The following TMEM45A variants were observed in gnomAD, a reference collection of about 807,000 sequenced individuals.
The protein encoded by TMEM45A is transmembrane protein 45A.
Under a neutral mutation model 32.0 loss-of-function variants are expected in TMEM45A, and 25 were observed. That is an observed-to-expected ratio of 0.78 (90% confidence interval 0.57 to 1.09). The LOEUF (loss-of-function observed/expected upper bound fraction) is 1.09, where lower values mean the gene tolerates loss of function less well. Among genes scored for constraint, TMEM45A ranks in the 50% least tolerant of loss-of-function variants. The probability of loss-of-function intolerance (pLI) is 0.00; values close to 1 mark genes in which losing one functional copy is unlikely to be tolerated. For synonymous variants in TMEM45A, 122 were observed against 114.8 expected (o/e 1.06, Z -0.40); for missense variants, 302 against 325.0 (o/e 0.93, Z 0.54).
At chr3:100,569,579 C>T (rs1706516907) in intron 5 of TMEM45A, among the ~76,000 whole-genome samples, 1 of 152,126 alleles carries the variant, frequency 6.6e-6, no homozygotes, top group African/African-American at 2.4e-5. Flanking sequence ...ATTACTTAAC[C>T]ACATTAAGTA....
chr3:100,555,559 C>T (rs1706203192), intron 2 of TMEM45A, among the ~76,000 whole-genome samples, 158 bp downstream of exon 2: 1 of 152,244 alleles, frequency 6.6e-6, no homozygotes, highest in South Asian at 2.1e-4. Flanking sequence ...TGAAATTAAT[C>T]AAGTTATTAT....
intron 4 of TMEM45A, among the ~76,000 whole-genome samples, chr3:100,568,040 C>T (rs1401714514): frequency 1.3e-5 from 2 of 152,190 alleles, no homozygotes; most frequent in Admixed American, 1.3e-4. Context: ...CCACCTCGGC[C>T]TCCCAAAGTG....
chr3:100,537,620 G>C (rs1705767378), intron 1 of TMEM45A, among the ~76,000 whole-genome samples: 1 of 152,214 alleles, frequency 6.6e-6, no homozygotes, highest in African/African-American at 2.4e-5. Flanking sequence ...ACAGAAAGGA[G>C]AGAGAAGAGC....
At chr3:100,523,782 TCTC>T (rs1436290973) in intron 1 of TMEM45A, among the ~76,000 whole-genome samples, 1 of 134,504 alleles carries the variant, frequency 7.4e-6, no homozygotes, top group Non-Finnish European at 1.5e-5. Flanking sequence ...TTCTCTTCCT[TCTC>T]CTCCTTCTTC....
At chr3:100,516,539 G>C (rs903380236) in intron 1 of TMEM45A, among the ~76,000 whole-genome samples, 3 of 152,068 alleles carry the variant, frequency 2.0e-5, no homozygotes, top group Non-Finnish European at 2.9e-5. Flanking sequence ...TACCTCCATC[G>C]CAGTCTTATT....
intron 1 of TMEM45A, among the ~76,000 whole-genome samples, chr3:100,530,137 A>G (rs1394107772): frequency 1.3e-5 from 2 of 152,190 alleles, no homozygotes; most frequent in Non-Finnish European, 2.9e-5. Flanking sequence ...ACTTTGTTTT[A>G]TCTATTCTTC....
rs1484522321 is a variant in TMEM45A at position 100,577,270 on chromosome 3, G to C, written c.*252G>C. ...CAGGGGCTAGAGTGATTTTTTTCCA[G>C]ATTATCTAAAGTTGGATGCCCACAC... On this transcript the variant is annotated 3_prime_UTR_variant, in exon 6 of 6. Transcript: ENST00000323523. 3.0e-6 allele frequency: 1 copy of C among 335,658 alleles called. No individual in the cohort carries two copies. Among genetic ancestry groups the C allele is most frequent in the Non-Finnish European group, 5.4e-6 (1 of 185,796 alleles). The allele number at this position is 335,658 out of a possible 1,614,324, so 20.8% of individuals were successfully genotyped here.
At chr3:100,576,863 A>G in intron 5 of TMEM45A, 62 bp from the exon 6 acceptor site, 1 of 1,242,636 alleles carries the variant, frequency 8.0e-7, no homozygotes, top group Non-Finnish European at 1.2e-6. Context: ...TAATGGGTGC[A>G]TATTGCTCTG....
intron 1 of TMEM45A, among the ~76,000 whole-genome samples, chr3:100,539,438 T>TATATGCATATGCATATGC (rs1553682659): frequency 0.011 from 1,162 of 108,242 alleles, 21 homozygotes; most frequent in African/African-American, 0.044. Context: ...ATAGGATATG[T>TATATGCATATGCATATGC]ATATGTATAT....
intron 1 of TMEM45A, among the ~76,000 whole-genome samples, chr3:100,503,151 G>T (rs956995004): frequency 6.6e-6 from 1 of 151,828 alleles, no homozygotes; most frequent in Admixed American, 6.6e-5. Context: ...TGTCATCCAG[G>T]CTGGAGTACA....
intron 1 of TMEM45A, among the ~76,000 whole-genome samples, chr3:100,536,225 A>C (rs1705737275): frequency 6.6e-6 from 1 of 152,182 alleles, no homozygotes; most frequent in Non-Finnish European, 1.5e-5. Context: ...CATTGTTGAG[A>C]AATTCCATCC....
At chr3:100,503,778 C>T (rs992515876) in intron 1 of TMEM45A, among the ~76,000 whole-genome samples, 4 of 152,150 alleles carry the variant, frequency 2.6e-5, no homozygotes, top group Non-Finnish European at 2.9e-5. Context: ...TCATGGACAA[C>T]TTGTCGGGAA....
chr3:100,533,087 A>C (rs895036832), intron 1 of TMEM45A, among the ~76,000 whole-genome samples: 1 of 152,294 alleles, frequency 6.6e-6, no homozygotes, highest in East Asian at 1.9e-4. Context: ...GTCTTGGTAC[A>C]TAATAGGAGC....
At chr3:100,519,165 G>A (rs903680964) in intron 1 of TMEM45A, 1 of 179,694 alleles carries the variant, frequency 5.6e-6, no homozygotes, top group African/African-American at 2.4e-5. Flanking sequence ...TGAGTGGGAG[G>A]AAGAAAAGAG....
chr3:100,510,399 G>A (rs1708141015), intron 1 of TMEM45A, among the ~76,000 whole-genome samples: 1 of 152,172 alleles, frequency 6.6e-6, no homozygotes, highest in Non-Finnish European at 1.5e-5. Context: ...CAGACCTGCA[G>A]CTGAGGGTCC....
rs574180587 is a variant in TMEM45A at position 100,510,816 on chromosome 3, C to T, written c.-4+17888C>T. On this transcript the variant is annotated intron_variant, in intron 1 of 5. Coordinates refer to ENST00000323523, the MANE Select transcript of TMEM45A (RefSeq NM_018004.3). ...GCTGAAAACCAAGGCTCGAGAACTA[C>T]GTGAAGAATGCAGAAGCCTCAGGAG... Among the ~76,000 whole-genome samples the T allele has an allele frequency of 6.7e-3, 1,019 of 152,178 alleles. 11 individuals carry two copies. Among genetic ancestry groups the T allele is most frequent in the African/African-American group, 0.023 (958 of 41,510 alleles).
chr3:100,508,439 T>G (rs1708109078), intron 1 of TMEM45A, among the ~76,000 whole-genome samples: 1 of 152,068 alleles, frequency 6.6e-6, no homozygotes, highest in Non-Finnish European at 1.5e-5. Flanking sequence ...ATGACATTCT[T>G]CACAGAAATA....
chr3:100,560,478 T>G (rs1346767798), intron 4 of TMEM45A, among the ~76,000 whole-genome samples: 1 of 152,216 alleles, frequency 6.6e-6, no homozygotes, highest in Non-Finnish European at 1.5e-5. Flanking sequence ...CTTTAATTTA[T>G]GAGTTATTTA....
intron 1 of TMEM45A, among the ~76,000 whole-genome samples, chr3:100,511,878 G>A (rs1223172005): frequency 6.6e-6 from 1 of 152,008 alleles, no homozygotes; most frequent in African/African-American, 2.4e-5. Context: ...AGACAAAGAA[G>A]GCCATTACAT....
Sources: gnomAD v4.1 joint callset for allele counts (sites outside exome capture counted in the v4.1 genomes callset) on GRCh38, gnomAD v4.1.1 for gene constraint, MANE v1.5 for transcripts, NCBI Gene and HGNC (gene_info 2026-07-23, HGNC 2026-07-21) for gene names.